Variants in TRMU observed in about 807,000 individuals in gnomAD.
TRMU encodes tRNA mitochondrial 2-thiouridylase, also known as mitochondrial tRNA-specific 2-thiouridylase 1.
A neutral mutation model predicts 46.9 loss-of-function variants in TRMU; 49 were observed. The ratio of observed to expected loss-of-function variants is 1.05; its 90% CI spans 0.83 to 1.33. TRMU has a LOEUF of 1.33. Among genes scored for constraint, TRMU ranks in the 40% most tolerant of loss-of-function variants. The pLI, the probability that TRMU is intolerant of heterozygous loss-of-function variation, is 0.00. For synonymous variants in TRMU, 241 were observed against 200.9 expected (o/e 1.20, Z -1.69); for missense variants, 572 against 532.4 (o/e 1.07, Z -0.73).
chr22:46,340,893 C>T (rs889848329), intron 2 of TRMU, among the ~76,000 whole-genome samples: 1 of 152,250 alleles, frequency 6.6e-6, no homozygotes, highest in African/African-American at 2.4e-5. Context: ...CCCGAGGTCG[C>T]CCCTGGCTCC....
At position 46,355,974 on chromosome 22, in the gene TRMU, CCT is replaced by C. The variant is rs765885180; in HGVS notation, c.1019-11_1019-10del. 6 of 1,613,840 alleles carry C rather than the reference CCT, an allele frequency of 3.7e-6. No individual in the cohort carries two copies. Among genetic ancestry groups the C allele is most frequent in the Non-Finnish European group, 5.1e-6 (6 of 1,179,902 alleles). ...AAGGCCTGTGCCCCCTCCAAGGGCC[CCT>C]CTCTTCTACCCAGTGCCCTGTGTGC... is the stretch of plus-strand genomic sequence containing the variant. On this transcript the variant is annotated splice_polypyrimidine_tract_variant and intron_variant, in intron 9 of 10. Coordinates refer to ENST00000645190, the MANE Select transcript of TRMU (RefSeq NM_018006.5).
intron 3 of TRMU, among the ~76,000 whole-genome samples, chr22:46,345,061 C>A (rs1436962393): frequency 6.6e-6 from 1 of 152,108 alleles, no homozygotes. Context: ...TCTTGCAATA[C>A]TAAATATCTG....
chr22:46,355,903 G>T (rs148551745), intron 9 of TRMU, 87 bp from the exon 10 acceptor site: 4 of 1,472,460 alleles, frequency 2.7e-6, no homozygotes, highest in African/African-American at 1.7e-5. Flanking sequence ...TTTTGACCCC[G>T]TGGGCTGGTG....
Position 46,357,007 on chromosome 22 carries a change from C to T in TRMU, c.*1C>T, listed in dbSNP as rs1484744164. ...TCCAGGCCTGAGTCCCTTGCTCTGA[C>T]AGAGATGGATCTGCTAGAAGGAACC... is the stretch of plus-strand genomic sequence containing the variant. On this transcript the variant is annotated 3_prime_UTR_variant, in exon 11 of 11. Transcript: ENST00000645190. The T allele has an allele frequency of 1.2e-6, 2 of 1,613,362 alleles. No individual in the cohort carries two copies. The highest frequency in any genetic ancestry group is 1.7e-5 in the Admixed American group (1 of 60,012).
Position 46,350,152 on chromosome 22 carries a change from C to T in TRMU, c.479-139C>T. 2.1e-6 allele frequency: 2 copies of T among 936,998 alleles called. No individual in the cohort carries two copies. 58.0% of individuals were successfully genotyped at this position (936,998 alleles called of 1,614,324 possible). On this transcript the variant is annotated intron_variant, in intron 4 of 10. Transcript: ENST00000645190. This position sits in a 1 kb window ranked among gnomAD's most constrained non-coding sequence, Gnocchi z 4.6. ...ACATTAACCCGTGGTGGTCTTTTCC[C>T]TAGTAGTTGCTATTGAGTGTTGATG...
rs942237583 is a variant in TRMU, at chr22:46,352,697, T to A, written c.772+367T>A. ...TCTGATTCAGGGAGTAAGGTGGACG[T>A]CCCGGCATGGTGTGAATGATTAAGG... On this transcript the variant is annotated intron_variant, in intron 7 of 10. Coordinates refer to ENST00000645190, the MANE Select transcript of TRMU (RefSeq NM_018006.5). The A allele has an allele frequency of 3.8e-5, 14 of 368,538 alleles. No individual in the cohort carries two copies. The Admixed American group carries it at 5.2e-4, about 14-fold the overall frequency. 22.8% of individuals were successfully genotyped at this position (368,538 alleles called of 1,614,324 possible).
intron 9 of TRMU, 142 bp from the exon 10 acceptor site, chr22:46,355,848 C>T (rs1025287395): frequency 1.9e-6 from 2 of 1,075,144 alleles, no homozygotes; most frequent in Admixed American, 4.0e-5. Context: ...CCTGCTGCGT[C>T]CAGGGCCCAG....
chr22:46,354,182 G>T (rs184035051), intron 8 of TRMU: 3 of 359,552 alleles, frequency 8.3e-6, no homozygotes, highest in Non-Finnish European at 1.6e-5. Context: ...GGTGGAGAGG[G>T]CATGGCCTCA....
chr22:46,356,942 G>A lies in TRMU; in HGVS notation c.1202G>A (p.Gly401Glu). The A allele has an allele frequency of 6.2e-7, 1 of 1,613,338 alleles. No homozygotes were observed. Among genetic ancestry groups the A allele is most frequent in the South Asian group, 1.1e-5 (1 of 91,088 alleles). The change falls in exon 11 of 11, where the codon GGG (glycine) becomes GAG (glutamate). Residue 401 changes from glycine (G) to glutamate (E), a missense_variant. Transcript: ENST00000645190. ...CTCCAGAAGGGCCAGCGCAGAGCTGGGATGGCCACTGAGAGCCCCAGTGAC... is the reference window on the plus strand; with the variant it reads ...CTCCAGAAGGGCCAGCGCAGAGCTGAGATGGCCACTGAGAGCCCCAGTGAC... ...YTLQKGQRRA[G>E]MATESPSDSP...
chr22:46,337,683 C>A, intron 1 of TRMU, 96 bp from the exon 2 acceptor site: 1 of 1,504,752 alleles, frequency 6.6e-7, no homozygotes, highest in East Asian at 2.4e-5. Context: ...GGCACAGGAG[C>A]ACAGCGTGTG....
intron 10 of TRMU, 83 bp downstream of exon 10, chr22:46,356,155 C>A: frequency 1.3e-6 from 2 of 1,518,938 alleles, no homozygotes; most frequent in Non-Finnish European, 1.8e-6. Flanking sequence ...GAGGAAGGGG[C>A]TGAGGCCCAG....
At position 46,347,543 on chromosome 22, in the gene TRMU, C is replaced by T. The variant is rs1050018053; in HGVS notation, c.478+999C>T. ...TTTTCATTTTTTGTAGAGATGAGGT[C>T]TCGTTAATGTTGTCCGTGCTGGTCT... On this transcript the variant is annotated intron_variant, in intron 4 of 10. Coordinates refer to ENST00000645190, the MANE Select transcript of TRMU (RefSeq NM_018006.5). This position sits in a 1 kb window ranked among gnomAD's most constrained non-coding sequence, Gnocchi z 5.0. 1 of 151,704 alleles carries T rather than the reference C, an allele frequency of 6.6e-6. No homozygotes were observed. Among genetic ancestry groups the T allele is most frequent in the Non-Finnish European group, 1.5e-5 (1 of 67,982 alleles). 9.4% of individuals were successfully genotyped at this position (151,704 alleles called of 1,614,324 possible). A position where few individuals can be genotyped will look rare whatever the true frequency, so the allele number is the denominator to read the frequency against.
chr22:46,355,615 C>T (rs200943240), intron 9 of TRMU, 27 bp downstream of exon 9: 378 of 1,613,222 alleles, frequency 2.3e-4, no homozygotes, highest in African/African-American at 5.5e-4. Flanking sequence ...CTCCTGAGGA[C>T]GGGCCCCTTG....
Position 46,339,581 on chromosome 22 carries a change from C to CT in TRMU, c.248+1639dup, listed in dbSNP as rs1413443715. 1.3e-5 allele frequency among the ~76,000 whole-genome samples: 2 copies of CT among 152,196 alleles called. No homozygotes were observed. Among genetic ancestry groups the CT allele is most frequent in the Non-Finnish European group, 2.9e-5 (2 of 68,036 alleles). The stretch of plus-strand genomic sequence containing the variant: ...TACACATCGGGTACAATGTCCACTG[C>CT]TTGGGTGACGGGTACACCAAAATCT... On this transcript the variant is annotated intron_variant, in intron 2 of 10. Coordinates refer to ENST00000645190, the MANE Select transcript of TRMU (RefSeq NM_018006.5). This position sits in a 1 kb window ranked among gnomAD's most constrained non-coding sequence, Gnocchi z 4.8.
rs531623323 is a variant in TRMU, at chr22:46,353,004, C to G, written c.772+674C>G. 72 of 166,012 alleles carry G rather than the reference C, an allele frequency of 4.3e-4. No individual in the cohort carries two copies. In the South Asian group the frequency reaches 0.01, roughly 24 times the overall value. 10.3% of individuals were successfully genotyped at this position (166,012 alleles called of 1,614,324 possible). The stretch of plus-strand genomic sequence containing the variant: ...ACTGGCCAGGAGAGCCAGGCTGCAG[C>G]TCAGGTGTAGGGCGTCTTGCAGTGA... On this transcript the variant is annotated intron_variant, in intron 7 of 10. Coordinates refer to ENST00000645190, the MANE Select transcript of TRMU (RefSeq NM_018006.5).
chr22:46,344,523 T>A (rs1176933814), intron 3 of TRMU, among the ~76,000 whole-genome samples: 3 of 152,116 alleles, frequency 2.0e-5, no homozygotes, highest in Non-Finnish European at 4.4e-5. Flanking sequence ...CAGCAGACAG[T>A]TAGGACTGGC....
chr22:46,353,597 G>GT, intron 7 of TRMU, 170 bp from the exon 8 acceptor site: 1 of 619,202 alleles, frequency 1.6e-6, no homozygotes. Flanking sequence ...ATGTGCTCAG[G>GT]TGCTTGGTCA....
chr22:46,357,326 A>G lies in TRMU; in HGVS notation c.*320A>G, dbSNP rs1476756148. On this transcript the variant is annotated 3_prime_UTR_variant, in exon 11 of 11. Transcript: ENST00000645190. Reference sequence around the variant, plus strand: ...GCTGTCGGGACAGCGTGGAATAAACATTATTTCAAGGACACATAGTCTGAT... The same window carrying G: ...GCTGTCGGGACAGCGTGGAATAAACGTTATTTCAAGGACACATAGTCTGAT... 1.6e-5 allele frequency: 7 copies of G among 445,842 alleles called. No homozygotes were observed. The highest frequency in any genetic ancestry group is 2.9e-5 in the Non-Finnish European group (7 of 239,434). 27.6% of individuals were successfully genotyped at this position (445,842 alleles called of 1,614,324 possible). A position where few individuals can be genotyped will look rare whatever the true frequency, so the allele number is the denominator to read the frequency against.
Position 46,337,956 on chromosome 22 carries a change from TCACAGCA to T in TRMU, c.248+15_248+21del, listed in dbSNP as rs751197474. 1 of 1,613,842 alleles carries T rather than the reference TCACAGCA, an allele frequency of 6.2e-7. No homozygotes were observed. Among genetic ancestry groups the T allele is most frequent in the Admixed American group, 1.7e-5 (1 of 60,006 alleles). ...AATGATGTGTTCAGGTGAGTGCGGGTCACAGCACAAAGGAAGCTTCCTCACACTGTGG... is the reference window on the plus strand; with the variant it reads ...AATGATGTGTTCAGGTGAGTGCGGGTCAAAGGAAGCTTCCTCACACTGTGG... On this transcript the variant is annotated intron_variant, in intron 2 of 10. Coordinates refer to ENST00000645190, the MANE Select transcript of TRMU (RefSeq NM_018006.5).
Sources: gnomAD v4.1 joint callset for allele counts (sites outside exome capture counted in the v4.1 genomes callset) on GRCh38, gnomAD v4.1.1 for gene constraint, Gnocchi (gnomAD v3.1) non-coding constraint, MANE v1.5 for transcripts, NCBI Gene and HGNC (gene_info 2026-07-23, HGNC 2026-07-21) for gene names.